PACSIN2: variants seen among roughly 807,000 people sequenced by gnomAD.
PACSIN2 encodes protein kinase C and casein kinase substrate in neurons protein 2.
In PACSIN2, 25 loss-of-function variants were observed where a neutral mutation model predicts 63.8. The observed-to-expected ratio is 0.39, with a 90% confidence interval of 0.29 to 0.55. The LOEUF (loss-of-function observed/expected upper bound fraction) is 0.55. PACSIN2 is among the 20% of genes least tolerant of loss of function. The pLI is 0.62. For missense variants in PACSIN2, 518 were observed against 646.9 expected, an observed-to-expected ratio of 0.80 and a Z score of 2.16; for synonymous variants, 255 against 256.2, an observed-to-expected ratio of 1.00 and a Z score of 0.05.
intron 1 of PACSIN2, among the ~76,000 whole-genome samples, chr22:42,969,477 G>A (rs140601276): frequency 6.6e-6 from 1 of 152,246 alleles, no homozygotes; most frequent in African/African-American, 2.4e-5. Flanking sequence ...TTCTTCTTAT[G>A]GAGGCCTTGG....
chr22:42,904,843 C>A (rs1191839492), intron 2 of PACSIN2, among the ~76,000 whole-genome samples: 2 of 152,218 alleles, frequency 1.3e-5, no homozygotes, highest in African/African-American at 4.8e-5. Flanking sequence ...CTCCTCTCCC[C>A]ATCTCTGTGC....
rs368514545 is a variant in PACSIN2, at chr22:42,933,647, T to C, written c.-77-21490A>G. On this transcript the variant is annotated intron_variant, in intron 1 of 10. Coordinates refer to ENST00000263246, the MANE Select transcript of PACSIN2 (RefSeq NM_001184970.3). The stretch of plus-strand genomic sequence containing the variant: ...GGGAAGTGGCTCCACACAGATGACA[T>C]AGGTCCACCCACTCAAACCCCAACG... Among the ~76,000 whole-genome samples the C allele has an allele frequency of 2.7e-4, 41 of 152,198 alleles. No homozygotes were observed. In the South Asian group the frequency reaches 7.1e-3, roughly 26 times the overall value.
chr22:42,919,155 C>T lies in PACSIN2; in HGVS notation c.-77-6998G>A, dbSNP rs946313751. 3.3e-5 allele frequency among the ~76,000 whole-genome samples: 5 copies of T among 152,254 alleles called. No individual in the cohort carries two copies. The East Asian group carries it at 9.6e-4, about 29-fold the overall frequency. On this transcript the variant is annotated intron_variant, in intron 1 of 10. Transcript: ENST00000263246. ...TGTGTATTTAATAATTAATTGGGGG[C>T]TTCTCATCTGGAAGGTAAAGTTCCT...
At chr22:42,909,646 T>C in intron 2 of PACSIN2, 2 of 467,528 alleles carry the variant, frequency 4.3e-6, no homozygotes, top group South Asian at 1.6e-5. Flanking sequence ...GATGTTCTTG[T>C]CTACTGACAT....
intron 6 of PACSIN2, among the ~76,000 whole-genome samples, chr22:42,882,541 GC>G (rs918153734): frequency 3.3e-5 from 5 of 152,190 alleles, no homozygotes; most frequent in African/African-American, 1.2e-4. Context: ...CAATGACTAA[GC>G]CCTGCTCTGT....
At chr22:42,933,523 TG>T (rs1320088205) in intron 1 of PACSIN2, among the ~76,000 whole-genome samples, 1 of 152,138 alleles carries the variant, frequency 6.6e-6, no homozygotes, top group Admixed American at 6.5e-5. Flanking sequence ...GAACCAAGGG[TG>T]GTCTGTTAGA....
At chr22:42,920,793 CTTTTTTTT>C (rs745822264) in intron 1 of PACSIN2, among the ~76,000 whole-genome samples, 10 of 77,668 alleles carry the variant, frequency 1.3e-4, no homozygotes, top group African/African-American at 4.8e-4. Flanking sequence ...AATTATCACA[CTTTTTTTT>C]TTTTTTTTTT....
At position 42,926,732 on chromosome 22, in the gene PACSIN2, T is replaced by C. The variant is rs150594137; in HGVS notation, c.-77-14575A>G. ...CTGTGGTCCCAGCTCCTCAGGAGGCTGAGGTGGGAGGACTGCTTGAGCCTA... is the reference window on the plus strand; with the variant it reads ...CTGTGGTCCCAGCTCCTCAGGAGGCCGAGGTGGGAGGACTGCTTGAGCCTA... On this transcript the variant is annotated intron_variant, in intron 1 of 10. Transcript: ENST00000263246. Among the ~76,000 whole-genome samples the C allele has an allele frequency of 2.1e-4, 32 of 151,908 alleles. 2 individuals are homozygous for C. The highest frequency in any genetic ancestry group is 2.1e-3 in the Admixed American group (32 of 15,280).
At chr22:42,925,738 C>A (rs1040679230) in intron 1 of PACSIN2, among the ~76,000 whole-genome samples, 4 of 152,202 alleles carry the variant, frequency 2.6e-5, no homozygotes, top group African/African-American at 9.6e-5. Flanking sequence ...GTAAACACTA[C>A]TGCACATGTT....
At chr22:42,963,146 T>A (rs189598990) in intron 1 of PACSIN2, among the ~76,000 whole-genome samples, 1 of 152,274 alleles carries the variant, frequency 6.6e-6, no homozygotes, top group African/African-American at 2.4e-5. Flanking sequence ...TCAACAAACA[T>A]TAATGCCAGG....
chr22:42,971,334 G>A (rs755387367), intron 1 of PACSIN2, among the ~76,000 whole-genome samples: 16 of 152,214 alleles, frequency 1.1e-4, no homozygotes, highest in Non-Finnish European at 2.4e-4. Context: ...TGATCTGCCC[G>A]CCTCAGCCTC....
intron 1 of PACSIN2, among the ~76,000 whole-genome samples, chr22:42,967,113 GA>G (rs11350719): frequency 0.6 from 91,215 of 151,548 alleles, 27,977 homozygotes; most frequent in East Asian, 0.78. Context: ...CTCCGTAACA[GA>G]AACTAGGCAG....
intron 8 of PACSIN2, among the ~76,000 whole-genome samples, chr22:42,877,721 C>A (rs1425048232): frequency 1.3e-5 from 2 of 152,184 alleles, no homozygotes; most frequent in African/African-American, 4.8e-5. Context: ...TTACACACTA[C>A]GAAGACCACA....
intron 1 of PACSIN2, among the ~76,000 whole-genome samples, chr22:42,941,770 T>A (rs906871459): frequency 3.9e-5 from 6 of 152,092 alleles, no homozygotes; most frequent in Admixed American, 3.3e-4. Flanking sequence ...GGGTTTTTGT[T>A]TTGTTTTGTT....
At chr22:43,010,374 G>C (rs1924384118) in intron 1 of PACSIN2, among the ~76,000 whole-genome samples, 1 of 96,060 alleles carries the variant, frequency 1.0e-5, no homozygotes, top group Admixed American at 1.1e-4. Context: ...TCCCATCTCT[G>C]TTTAAAAATA....
At chr22:42,933,163 C>T (rs372303632) in intron 1 of PACSIN2, among the ~76,000 whole-genome samples, 39 of 152,220 alleles carry the variant, frequency 2.6e-4, no homozygotes, top group African/African-American at 9.4e-4. Flanking sequence ...ACCTTGTTAT[C>T]CCTGAAAAGT....
chr22:42,989,699 G>A (rs772552108), intron 1 of PACSIN2, among the ~76,000 whole-genome samples: 18 of 151,986 alleles, frequency 1.2e-4, no homozygotes, highest in Non-Finnish European at 2.4e-4. Context: ...TTGGGAGGCT[G>A]AGGTAGGAGA....
At position 43,013,030 on chromosome 22, in the gene PACSIN2, G is replaced by C. The variant is rs186676874; in HGVS notation, c.-78+1991C>G. Among the ~76,000 whole-genome samples the C allele has an allele frequency of 3.1e-3, 468 of 152,272 alleles. 3 individuals are homozygous for C. The highest frequency in any genetic ancestry group is 0.011 in the African/African-American group (461 of 41,558). On this transcript the variant is annotated intron_variant, in intron 1 of 10. Coordinates refer to ENST00000263246, the MANE Select transcript of PACSIN2 (RefSeq NM_001184970.3). Reference sequence around the variant, plus strand: ...TGGTCTCTAAGTTCTGACCTCAGGTGATCTGCCCGCCTCGGCCTTCCCAAG... The same window carrying C: ...TGGTCTCTAAGTTCTGACCTCAGGTCATCTGCCCGCCTCGGCCTTCCCAAG...
At chr22:42,954,632 G>A (rs969832751) in intron 1 of PACSIN2, among the ~76,000 whole-genome samples, 3 of 152,114 alleles carry the variant, frequency 2.0e-5, no homozygotes, top group African/African-American at 7.2e-5. Flanking sequence ...TTTAATTTTA[G>A]TCAATTTTAA....
Sources: gnomAD v4.1 joint callset for allele counts (sites outside exome capture counted in the v4.1 genomes callset) on GRCh38, gnomAD v4.1.1 for gene constraint, MANE v1.5 for transcripts, NCBI Gene and HGNC (gene_info 2026-07-23, HGNC 2026-07-21) for gene names.